HELZ: variants seen among roughly 807,000 people sequenced by gnomAD.
The protein encoded by HELZ is helicase with zinc finger, also known as ATP-dependent RNA helicase with zinc finger domain.
In HELZ, 23 loss-of-function variants were observed where a neutral mutation model predicts 218.2. That is an observed-to-expected ratio of 0.11 (90% confidence interval 0.08 to 0.15). The LOEUF is 0.15. Among genes scored for constraint, HELZ ranks in the 10% least tolerant of loss-of-function variants. The probability of loss-of-function intolerance (pLI) is 1.00; values close to 1 mark genes in which losing one functional copy is unlikely to be tolerated. For missense variants in HELZ, 1,813 were observed against 2,353.7 expected, an observed-to-expected ratio of 0.77 and a Z score of 4.75; for synonymous variants, 814 against 829.4, an observed-to-expected ratio of 0.98 and a Z score of 0.32.
chr17:67,195,327 G>T (rs2039995033), intron 8 of HELZ, 92 bp downstream of exon 8: 2 of 771,510 alleles, frequency 2.6e-6, no homozygotes, highest in East Asian at 2.5e-5. Context: ...CCACTTATAT[G>T]TACTGTAACT....
At chr17:67,101,546 C>T (rs903468161) in intron 31 of HELZ, among the ~76,000 whole-genome samples, 1 of 152,178 alleles carries the variant, frequency 6.6e-6, no homozygotes. Context: ...ATACATCTTA[C>T]TCAGAGGTTA....
At chr17:67,203,285 T>G in intron 6 of HELZ, 34 bp downstream of exon 6, 1 of 1,605,280 alleles carries the variant, frequency 6.2e-7, no homozygotes. Context: ...AAAATTTGTT[T>G]TCAGGCATAC....
chr17:67,212,581 C>T (rs894827687), intron 5 of HELZ, among the ~76,000 whole-genome samples: 3 of 152,048 alleles, frequency 2.0e-5, no homozygotes, highest in African/African-American at 7.2e-5. Context: ...TACTAATATA[C>T]ATGTATAATC....
chr17:67,193,968 T>G lies in HELZ; in HGVS notation c.556A>C (p.Arg186=). 1 of 1,612,580 alleles carries G rather than the reference T, an allele frequency of 6.2e-7. No homozygotes were observed. Among genetic ancestry groups the G allele is most frequent in the Non-Finnish European group, 8.5e-7 (1 of 1,179,134 alleles). Residue 186 remains arginine (R), a splice_region_variant and synonymous_variant, in exon 9 of 33, where the codon AGA becomes CGA. Transcript: ENST00000358691. Reference sequence around the variant, plus strand: ...TAAAAACAAAAAAATTCACATTACCTTTTACACAAAGTATATTCCTCGCTG... The same window carrying G: ...TAAAAACAAAAAAATTCACATTACCGTTTACACAAAGTATATTCCTCGCTG... The part of the protein sequence containing the change: ...TSSEEYTLCK[R]FLEQGICRYG...
At position 67,089,332 on chromosome 17, in the gene HELZ, G is replaced by A. The variant is rs1293812259; in HGVS notation, c.5242-2251C>T. 6.6e-5 allele frequency among the ~76,000 whole-genome samples: 10 copies of A among 152,074 alleles called. No individual in the cohort carries two copies. The East Asian group carries it at 1.9e-3, about 29-fold the overall frequency. On this transcript the variant is annotated intron_variant, in intron 31 of 32. Coordinates refer to ENST00000358691, the MANE Select transcript of HELZ (RefSeq NM_014877.4). Reference sequence around the variant, plus strand: ...AGACATATGAACCAGAAAGCTTAAAGGAAGAAAACGAAAACTCAGAAAGAA... The same window carrying A: ...AGACATATGAACCAGAAAGCTTAAAAGAAGAAAACGAAAACTCAGAAAGAA...
chr17:67,117,439 A>G (rs553416601), intron 27 of HELZ, among the ~76,000 whole-genome samples: 29 of 152,316 alleles, frequency 1.9e-4, no homozygotes, highest in African/African-American at 7.0e-4. Flanking sequence ...AAAATACAAC[A>G]TACTGGTCTT....
At chr17:67,137,893 G>C (rs2038202071) in intron 22 of HELZ, 38 bp downstream of exon 22, 2 of 1,467,700 alleles carry the variant, frequency 1.4e-6, no homozygotes, top group Middle Eastern at 1.8e-4. Context: ...TTAGATTTAA[G>C]CATTTGAATG....
chr17:67,151,321 T>A, intron 17 of HELZ, 97 bp from the exon 18 acceptor site: 1 of 994,948 alleles, frequency 1.0e-6, no homozygotes, highest in Non-Finnish European at 1.5e-6. Flanking sequence ...GATGGTAATA[T>A]CTGAAAAGTT....
rs553359121 is a variant in HELZ, at chr17:67,109,610, G to A, written c.3995C>T (p.Pro1332Leu). ...PSVVYPSTKF[P>L]RKDNLNPRHI... ...TCTTGGGTTGAGATTATCTTTGCGA[G>A]GAAATTTGGTACTGGGATAAACAAC... The change falls in exon 29 of 33, where the codon CCT becomes CTT. Residue 1332 changes from proline (P) to leucine (L), a missense_variant. By Grantham distance (98) the Pro-to-Leu change is moderately conservative. This residue lies in a region of HELZ where 938 missense variants were observed against 1,027.5 expected (regional missense o/e 0.91). Transcript: ENST00000358691. 73 of 1,614,106 alleles carry A rather than the reference G, an allele frequency of 4.5e-5. No individual in the cohort carries two copies. The South Asian group carries it at 7.5e-4, about 17-fold the overall frequency.
upstream of HELZ, chr17:67,245,471 C>A: frequency 1.0e-6 from 1 of 985,772 alleles, no homozygotes; most frequent in South Asian, 4.7e-5. Context: ...CTCGCCTCGC[C>A]GCGTTCCTGC....
Position 67,073,474 on chromosome 17 carries a change from CTGA to C in HELZ, c.*4775_*4777del, listed in dbSNP as rs1202740347. The C allele has an allele frequency of 2.0e-5, 3 of 152,514 alleles. No individual in the cohort carries two copies. Among genetic ancestry groups the C allele is most frequent in the Non-Finnish European group, 4.4e-5 (3 of 68,026 alleles). The allele number at this position is 152,514 out of a possible 1,614,324, so 9.4% of individuals were successfully genotyped here. A position where few individuals can be genotyped will look rare whatever the true frequency, so the allele number is the denominator to read the frequency against. On this transcript the variant is annotated 3_prime_UTR_variant, in exon 33 of 33. Coordinates refer to ENST00000358691, the MANE Select transcript of HELZ (RefSeq NM_014877.4). ...TGCAAATAAAGTCTGGTCTAATACT[CTGA>C]TAACTGAAACTATATGAATGTCTCT...
chr17:67,131,549 T>G (rs2037984467), intron 23 of HELZ, among the ~76,000 whole-genome samples: 1 of 151,774 alleles, frequency 6.6e-6, no homozygotes, highest in Non-Finnish European at 1.5e-5. Context: ...GCATGTTAAA[T>G]CTGACCTTTT....
At chr17:67,191,763 CTT>C (rs71139120) in intron 9 of HELZ, among the ~76,000 whole-genome samples, 31 of 132,430 alleles carry the variant, frequency 2.3e-4, no homozygotes, top group Admixed American at 4.6e-4. Flanking sequence ...TGATCATTAA[CTT>C]TTTTTTTTTT....
At chr17:67,156,596 C>T (rs1294348439) in intron 17 of HELZ, among the ~76,000 whole-genome samples, 3 of 152,004 alleles carry the variant, frequency 2.0e-5, no homozygotes, top group Non-Finnish European at 4.4e-5. Flanking sequence ...TGCAAAGTTC[C>T]GCTGTTGCTC....
chr17:67,081,912 GAAGACCAAGAGCAGAGTGATCA>G (rs2036206058), intron 32 of HELZ, among the ~76,000 whole-genome samples: 3 of 29,740 alleles, frequency 1.0e-4, no homozygotes, highest in Middle Eastern at 0.033. Flanking sequence ...AGAGTGATCA[GAAGACCAAGAGCAGAGTGATCA>G]GAAGACCAAT....
chr17:67,119,193 A>G (rs558588754), intron 27 of HELZ, among the ~76,000 whole-genome samples: 1 of 152,326 alleles, frequency 6.6e-6, no homozygotes, highest in South Asian at 2.1e-4. Context: ...ACATGTTCAC[A>G]TGTATGTTCA....
chr17:67,193,857 G>A, intron 9 of HELZ, 110 bp downstream of exon 9: 1 of 749,668 alleles, frequency 1.3e-6, no homozygotes, highest in Non-Finnish European at 2.2e-6. Flanking sequence ...TGACCTTTAT[G>A]GCTTCTGTTT....
At chr17:67,215,720 G>C in intron 5 of HELZ, 179 bp downstream of exon 5, 1 of 626,882 alleles carries the variant, frequency 1.6e-6, no homozygotes, top group Non-Finnish European at 2.9e-6. Flanking sequence ...TCATGAGTAA[G>C]AGCAATGTTC....
At chr17:67,192,484 TTA>T (rs1330265092) in intron 9 of HELZ, among the ~76,000 whole-genome samples, 3 of 152,172 alleles carry the variant, frequency 2.0e-5, no homozygotes, top group African/African-American at 7.2e-5. Context: ...TAAAATCATT[TTA>T]TGTTTCTTTT....
Sources: gnomAD v4.1 joint callset for allele counts (sites outside exome capture counted in the v4.1 genomes callset) on GRCh38, gnomAD v4.1.1 for gene constraint, gnomAD v4.1.1 regional missense constraint, MANE v1.5 for transcripts, NCBI Gene and HGNC (gene_info 2026-07-23, HGNC 2026-07-21) for gene names.